The following RYR3 variants were observed in gnomAD, a reference collection of about 807,000 sequenced individuals.
The protein encoded by RYR3 is brain ryanodine receptor-calcium release channel.
Under a neutral mutation model 584.3 loss-of-function variants are expected in RYR3, and 207 were observed. The observed-to-expected ratio is 0.35, with a 90% CI of 0.32 to 0.40. The LOEUF (loss-of-function observed/expected upper bound fraction) is 0.40. RYR3 is among the 10% of genes least tolerant of loss of function. RYR3 has a pLI of 1.00. For missense variants in RYR3, 5,616 were observed against 6,089.2 expected (o/e 0.92, Z 2.59); for synonymous variants, 2,416 against 2,248.5 (o/e 1.07, Z -2.11).
intron 38 of RYR3, among the ~76,000 whole-genome samples, chr15:33,682,931 G>A (rs2064732456): frequency 6.6e-6 from 1 of 152,050 alleles, no homozygotes; most frequent in Non-Finnish European, 1.5e-5. Flanking sequence ...GTGGCAAATG[G>A]TAGATTTAAC....
intron 19 of RYR3, among the ~76,000 whole-genome samples, chr15:33,616,989 A>G (rs1278638406): frequency 6.6e-6 from 1 of 152,244 alleles, no homozygotes; most frequent in African/African-American, 2.4e-5. Context: ...TTATTCTTAC[A>G]TCAACTGGTA....
chr15:33,320,424 A>C (rs1968810343), intron 1 of RYR3, among the ~76,000 whole-genome samples: 1 of 152,192 alleles, frequency 6.6e-6, no homozygotes, highest in African/African-American at 2.4e-5. Context: ...TGTATTGACC[A>C]ATTACTCTCC....
chr15:33,479,636 G>A (rs931688708), intron 2 of RYR3, among the ~76,000 whole-genome samples: 5 of 152,070 alleles, frequency 3.3e-5, no homozygotes, highest in African/African-American at 1.2e-4. Context: ...AATTTAAACT[G>A]AGTTAAGTGA....
chr15:33,688,640 G>C (rs915275437), intron 38 of RYR3, among the ~76,000 whole-genome samples: 3 of 151,314 alleles, frequency 2.0e-5, no homozygotes, highest in Admixed American at 2.0e-4. Context: ...ATCATCACTG[G>C]TCATCAGAGA....
At chr15:33,843,404 C>A in intron 91 of RYR3, 84 bp from the exon 92 acceptor site, 2 of 907,752 alleles carry the variant, frequency 2.2e-6, no homozygotes, top group Non-Finnish European at 3.5e-6. Context: ...GAACTTCTAA[C>A]CAGAACTGAC....
In RYR3 at chr15:33,859,391, T is replaced by C. The variant is rs1031284850; in HGVS notation, c.14143-184T>C. On this transcript the variant is annotated intron_variant, in intron 99 of 103. Transcript: ENST00000634891. The stretch of plus-strand genomic sequence containing the variant: ...ACGACAGTCTTTCCATCTTTGTAGA[T>C]ATCAAACTGTCCAGAGGGTGCAGTG... Among the ~76,000 whole-genome samples, 10 of 152,230 alleles carry C rather than the reference T, an allele frequency of 6.6e-5. No individual in the cohort carries two copies. In the East Asian group the frequency reaches 1.9e-3, roughly 29 times the overall value.
chr15:33,682,114 C>T (rs2064669322), intron 38 of RYR3, among the ~76,000 whole-genome samples: 1 of 152,178 alleles, frequency 6.6e-6, no homozygotes, highest in Admixed American at 6.5e-5. Flanking sequence ...AAAGGAGTTA[C>T]ACCAACTTTG....
chr15:33,860,469 T>C, intron 100 of RYR3, 126 bp from the exon 101 acceptor site: 2 of 557,842 alleles, frequency 3.6e-6, no homozygotes. Flanking sequence ...ACGAGTATTA[T>C]TTTTCTAATT....
At chr15:33,691,362 C>T (rs181956370) in intron 38 of RYR3, among the ~76,000 whole-genome samples, 235 of 152,278 alleles carry the variant, frequency 1.5e-3, no homozygotes, top group African/African-American at 5.5e-3. Context: ...TTAGTATAGA[C>T]AGGTTAATCA....
chr15:33,715,616 A>G (rs897243691), intron 43 of RYR3, among the ~76,000 whole-genome samples: 2 of 152,202 alleles, frequency 1.3e-5, no homozygotes, highest in African/African-American at 2.4e-5. Context: ...ATTTATAAAG[A>G]CAGAAATTTA....
intron 1 of RYR3, among the ~76,000 whole-genome samples, chr15:33,351,128 A>C (rs1973188957): frequency 1.3e-5 from 2 of 152,216 alleles, no homozygotes; most frequent in Admixed American, 1.3e-4. Context: ...AATACTACAA[A>C]CACCTCTACG....
intron 18 of RYR3, among the ~76,000 whole-genome samples, chr15:33,609,198 T>G (rs1445026648): frequency 6.6e-6 from 1 of 152,290 alleles, no homozygotes; most frequent in East Asian, 1.9e-4. Context: ...AGGATCTGAA[T>G]ACTTTTAAAG....
At chr15:33,840,982 C>T (rs1389281064) in intron 90 of RYR3, 99 bp downstream of exon 90, 2 of 1,086,836 alleles carry the variant, frequency 1.8e-6, no homozygotes, top group African/African-American at 1.6e-5. Context: ...CTTTGAGAGG[C>T]TGAGGCTGGA....
chr15:33,319,863 G>C (rs1968711705), intron 1 of RYR3, among the ~76,000 whole-genome samples: 2 of 152,122 alleles, frequency 1.3e-5, no homozygotes, highest in South Asian at 4.2e-4. Context: ...CATACATTAG[G>C]AACTCCAGGA....
chr15:33,348,901 T>TA (rs932135519), intron 1 of RYR3, among the ~76,000 whole-genome samples: 1 of 152,162 alleles, frequency 6.6e-6, no homozygotes, highest in African/African-American at 2.4e-5. Context: ...TTTATCACCC[T>TA]AAAAATCCCC....
rs150688773 is a variant in RYR3 at position 33,687,960 on chromosome 15, G to C, written c.5861-8258G>C. 8.0e-3 allele frequency among the ~76,000 whole-genome samples: 1,220 copies of C among 152,126 alleles called. 10 individuals carry two copies. The highest frequency in any genetic ancestry group is 0.024 in the African/African-American group (1,011 of 41,510). On this transcript the variant is annotated intron_variant, in intron 38 of 103. Transcript: ENST00000634891. Reference sequence around the variant, plus strand: ...TGTTAGACCTAAAACCATAAAAACCGTAGAAGAAAACCTAGGCAATACCAT... The same window carrying C: ...TGTTAGACCTAAAACCATAAAAACCCTAGAAGAAAACCTAGGCAATACCAT...
At chr15:33,813,394 G>A (rs958191790) in intron 73 of RYR3, 73 bp from the exon 74 acceptor site, 5 of 1,313,112 alleles carry the variant, frequency 3.8e-6, no homozygotes, top group Non-Finnish European at 5.5e-6. Flanking sequence ...GAAGAAGTCT[G>A]GGCTACAGGT....
intron 57 of RYR3, among the ~76,000 whole-genome samples, chr15:33,751,769 C>T (rs1270945037): frequency 9.9e-5 from 15 of 152,028 alleles, no homozygotes; most frequent in Non-Finnish European, 1.8e-4. Flanking sequence ...CTTTTGTTGC[C>T]ATTGATTTTG....
At chr15:33,440,641 A>G (rs2046141435) in intron 1 of RYR3, among the ~76,000 whole-genome samples, 1 of 152,196 alleles carries the variant, frequency 6.6e-6, no homozygotes, top group Non-Finnish European at 1.5e-5. Context: ...CTACATTATC[A>G]AAGTGATTCT....
Sources: gnomAD v4.1 joint callset for allele counts (sites outside exome capture counted in the v4.1 genomes callset) on GRCh38, gnomAD v4.1.1 for gene constraint, MANE v1.5 for transcripts, NCBI Gene and HGNC (gene_info 2026-07-23, HGNC 2026-07-21) for gene names.